ANXA11: variants seen among roughly 807,000 people sequenced by gnomAD.
ANXA11 encodes the protein annexin A11.
Under a neutral mutation model 64.7 loss-of-function variants are expected in ANXA11, and 57 were observed. That is an observed-to-expected ratio of 0.88 (90% CI 0.71 to 1.10). The LOEUF (loss-of-function observed/expected upper bound fraction) is 1.10, where lower values mean the gene tolerates loss of function less well. Ranked by LOEUF, ANXA11 falls within the 50% of genes least tolerant of loss-of-function variation. The pLI, the probability that ANXA11 is intolerant of heterozygous loss-of-function variation, is 0.00. For missense variants in ANXA11, 675 were observed against 670.7 expected (o/e 1.01, Z -0.07); for synonymous variants, 260 against 265.2 (o/e 0.98, Z 0.19).
In ANXA11 at chr10:80,155,840, C is replaced by T. The variant is rs781057466; in HGVS notation, c.*13G>A. 1.2e-6 allele frequency: 2 copies of T among 1,613,944 alleles called. No homozygotes were observed. Among genetic ancestry groups the T allele is most frequent in the South Asian group, 1.1e-5 (1 of 91,078 alleles). The stretch of plus-strand genomic sequence containing the variant: ...TGCCGGCAGGTGGGCAGAAGTGAGC[C>T]ACCAGTCACTGTTCAGTCATTGCCA... On this transcript the variant is annotated 3_prime_UTR_variant, in exon 16 of 16. Coordinates refer to ENST00000422982, the MANE Select transcript of ANXA11 (RefSeq NM_145868.2).
chr10:80,185,820 C>T (rs192523871), intron 1 of ANXA11, among the ~76,000 whole-genome samples: 13 of 152,342 alleles, frequency 8.5e-5, no homozygotes, highest in African/African-American at 2.9e-4. Context: ...TACCACTACA[C>T]TATACTTCCT....
intron 1 of ANXA11, among the ~76,000 whole-genome samples, chr10:80,186,438 C>T (rs1044679903): frequency 2.0e-5 from 3 of 152,204 alleles, no homozygotes; most frequent in South Asian, 2.1e-4. Flanking sequence ...AGGAAATTGG[C>T]GCTGTTTTCT....
intron 1 of ANXA11, among the ~76,000 whole-genome samples, chr10:80,195,255 C>T (rs1401929219): frequency 6.6e-6 from 1 of 152,204 alleles, no homozygotes; most frequent in Non-Finnish European, 1.5e-5. Flanking sequence ...CTCAGGAAAC[C>T]TTTCCAAATA....
intron 7 of ANXA11, 165 bp from the exon 8 acceptor site, chr10:80,166,362 C>T: frequency 1.7e-6 from 1 of 571,876 alleles, no homozygotes; most frequent in Non-Finnish European, 3.1e-6. Context: ...TGCCCCAAAC[C>T]TCCCAAATCA....
intron 8 of ANXA11, among the ~76,000 whole-genome samples, chr10:80,165,144 T>C (rs535366216): frequency 7.9e-5 from 12 of 152,200 alleles, no homozygotes; most frequent in Non-Finnish European, 1.6e-4. Flanking sequence ...CCCTGCCTGA[T>C]GGCCTCCTGA....
chr10:80,183,154 C>A (rs1037434433), intron 1 of ANXA11, among the ~76,000 whole-genome samples: 7 of 152,208 alleles, frequency 4.6e-5, no homozygotes, highest in Non-Finnish European at 1.0e-4. Flanking sequence ...CGTCCCAGGT[C>A]ACTGGGCAGG....
At chr10:80,166,040 G>GCACACACACACACA (rs753895566) in intron 8 of ANXA11, 44 bp downstream of exon 8, 16 of 1,077,492 alleles carry the variant, frequency 1.5e-5, no homozygotes, top group African/African-American at 1.4e-4. Context: ...GCACACACGC[G>GCACACACACACACA]CGCACACACA....
intron 1 of ANXA11, among the ~76,000 whole-genome samples, chr10:80,177,613 A>G (rs1289360627): frequency 6.6e-6 from 1 of 152,170 alleles, no homozygotes; most frequent in Admixed American, 6.5e-5. Flanking sequence ...ACAACGAGGG[A>G]CACTACAGAA....
At chr10:80,163,726 C>T (rs1356172651) in intron 9 of ANXA11, 113 bp from the exon 10 acceptor site, 16 of 1,013,096 alleles carry the variant, frequency 1.6e-5, no homozygotes, top group Middle Eastern at 3.1e-4. Flanking sequence ...GGTCTTGGCT[C>T]GGGCTCAAGA....
At chr10:80,178,308 A>G (rs1416198718) in intron 1 of ANXA11, among the ~76,000 whole-genome samples, 1 of 152,190 alleles carries the variant, frequency 6.6e-6, no homozygotes, top group Non-Finnish European at 1.5e-5. Context: ...GGCAAGAGAC[A>G]TGCTTCACAC....
Position 80,155,731 on chromosome 10 carries a change from T to TAGGACGGTGAC in ANXA11, c.*121_*122insGTCACCGTCCT. On this transcript the variant is annotated 3_prime_UTR_variant, in exon 16 of 16. Coordinates refer to ENST00000422982, the MANE Select transcript of ANXA11 (RefSeq NM_145868.2). Reference sequence around the variant, plus strand: ...GGTCAGGAGGGGTGGAAGACAGGCCTAAGCTCTAGGACGGTGAATCTCGGG... The same window carrying TAGGACGGTGAC: ...GGTCAGGAGGGGTGGAAGACAGGCCTAGGACGGTGACAAGCTCTAGGACGGTGAATCTCGGG... 2.0e-6 allele frequency: 2 copies of TAGGACGGTGAC among 1,016,460 alleles called. No individual in the cohort carries two copies. The highest frequency in any genetic ancestry group is 1.7e-5 in the Admixed American group (1 of 57,292). The allele number at this position is 1,016,460 out of a possible 1,614,324, so 63.0% of individuals were successfully genotyped here. A position where few individuals can be genotyped will look rare whatever the true frequency, so the allele number is the denominator to read the frequency against.
At position 80,167,170 on chromosome 10, in the gene ANXA11, A is replaced by G. The variant is rs11812246; in HGVS notation, c.649+56T>C. 3.8e-6 allele frequency: 6 copies of G among 1,568,514 alleles called. No individual in the cohort carries two copies. The Admixed American group carries it at 1.0e-4, about 26-fold the overall frequency. ...CCCCAGCCCACAGAGCCACAGTGAAACTGCCTGGGAAATAGGGGGCAGGGA... is the reference window on the plus strand; with the variant it reads ...CCCCAGCCCACAGAGCCACAGTGAAGCTGCCTGGGAAATAGGGGGCAGGGA... On this transcript the variant is annotated intron_variant, in intron 6 of 15. Coordinates refer to ENST00000422982, the MANE Select transcript of ANXA11 (RefSeq NM_145868.2).
chr10:80,196,364 G>A (rs1418244054), intron 1 of ANXA11, among the ~76,000 whole-genome samples: 1 of 152,176 alleles, frequency 6.6e-6, no homozygotes, highest in Non-Finnish European at 1.5e-5. Context: ...CCTGCCACAG[G>A]GCTGGCACTG....
At chr10:80,202,212 G>A (rs1296289767) in intron 1 of ANXA11, among the ~76,000 whole-genome samples, 1 of 151,422 alleles carries the variant, frequency 6.6e-6, no homozygotes, top group Non-Finnish European at 1.5e-5. Context: ...GAAGCGGGGG[G>A]TCTCTGTGTG....
At chr10:80,190,590 G>A (rs752208503) in intron 1 of ANXA11, among the ~76,000 whole-genome samples, 16 of 148,154 alleles carry the variant, frequency 1.1e-4, no homozygotes, top group South Asian at 2.1e-4. Context: ...AGTTCATGCC[G>A]TTCTCCCGCC....
intron 1 of ANXA11, among the ~76,000 whole-genome samples, chr10:80,198,858 A>T (rs961565048): frequency 1.3e-5 from 2 of 152,210 alleles, no homozygotes; most frequent in African/African-American, 4.8e-5. Flanking sequence ...TTAACCCAAC[A>T]GCAAAAATCA....
intron 11 of ANXA11, 61 bp from the exon 12 acceptor site, chr10:80,162,089 A>C (rs573836158): frequency 1.4e-6 from 2 of 1,403,628 alleles, no homozygotes; most frequent in Admixed American, 1.8e-5. Context: ...GGCCCAGGTC[A>C]CCCAGGAGAG....
rs752669764 is a variant in ANXA11 at position 80,172,881 on chromosome 10, G to C, written c.-8-12C>G. The stretch of plus-strand genomic sequence containing the variant: ...GCTCATGGTTAGATCTGGAAGAGAA[G>C]ACGAAAGCACATTCAGGCTCTGCCT... On this transcript the variant is annotated splice_polypyrimidine_tract_variant and intron_variant, in intron 2 of 15. Coordinates refer to ENST00000422982, the MANE Select transcript of ANXA11 (RefSeq NM_145868.2). 9 of 1,613,526 alleles carry C rather than the reference G, an allele frequency of 5.6e-6. No individual in the cohort carries two copies. The South Asian group carries it at 6.6e-5, about 12-fold the overall frequency.
In ANXA11 at chr10:80,205,443, G is replaced by A. The variant is rs1477745224; in HGVS notation, c.-158C>T. ...GCGCGGCGCCTGGGTTCTGCCTAGG[G>A]GCTGGGTCCCACTCCCGCTCGCGGG... On this transcript the variant is annotated 5_prime_UTR_variant, in exon 1 of 16. Transcript: ENST00000422982. 1 of 151,938 alleles carries A rather than the reference G, an allele frequency of 6.6e-6. No homozygotes were observed. The highest frequency in any genetic ancestry group is 1.5e-5 in the Non-Finnish European group (1 of 67,964). The allele number at this position is 151,938 out of a possible 1,614,324, so 9.4% of individuals were successfully genotyped here. A position where few individuals can be genotyped will look rare whatever the true frequency, so the allele number is the denominator to read the frequency against.
Sources: allele counts gnomAD v4.1 joint callset (sites outside exome capture counted in the v4.1 genomes callset), GRCh38; gene constraint gnomAD v4.1.1; transcripts MANE v1.5; gene names NCBI Gene and HGNC (gene_info 2026-07-23, HGNC 2026-07-21).